The following KIF15 variants were observed in gnomAD, a reference collection of about 807,000 sequenced individuals.
The protein encoded by KIF15 is kinesin family member 15.
KIF15 carries 140 observed loss-of-function variants against 190.6 expected under a neutral mutation model. The ratio of observed to expected loss-of-function variants is 0.73; its 90% CI spans 0.64 to 0.84. The LOEUF is 0.84. Among genes scored for constraint, KIF15 ranks in the 40% least tolerant of loss-of-function variants. The pLI, the probability that KIF15 is intolerant of heterozygous loss-of-function variation, is 0.00. For missense variants in KIF15, 1,372 were observed against 1,584.4 expected (o/e 0.87, Z 2.28); for synonymous variants, 528 against 551.3 (o/e 0.96, Z 0.59).
At chr3:44,827,073 A>G (rs1416957950) in intron 22 of KIF15, 5 of 456,478 alleles carry the variant, frequency 1.1e-5, no homozygotes, top group African/African-American at 2.0e-5. Context: ...ATTTATTCAA[A>G]CATTTATTGA....
At chr3:44,837,752 A>G (rs577772143) in intron 26 of KIF15, among the ~76,000 whole-genome samples, 26 of 152,332 alleles carry the variant, frequency 1.7e-4, no homozygotes, top group Middle Eastern at 3.4e-3. Context: ...TATGCAACCT[A>G]TAGGACTTCT....
chr3:44,806,512 A>G (rs1707507733), intron 16 of KIF15, among the ~76,000 whole-genome samples: 1 of 152,228 alleles, frequency 6.6e-6, no homozygotes, highest in Admixed American at 6.5e-5. Flanking sequence ...AAAGAAAAAA[A>G]AATGTGTGAA....
At chr3:44,830,367 A>G (rs551532683) in intron 25 of KIF15, among the ~76,000 whole-genome samples, 1 of 152,332 alleles carries the variant, frequency 6.6e-6, no homozygotes, top group African/African-American at 2.4e-5. Flanking sequence ...TAAACTGAAT[A>G]AGAAACAGGC....
At chr3:44,791,621 T>G (rs760128083) in intron 7 of KIF15, among the ~76,000 whole-genome samples, 12 of 152,212 alleles carry the variant, frequency 7.9e-5, no homozygotes, top group Non-Finnish European at 1.5e-4. Context: ...TTTGATTTTT[T>G]ATTTTGATTT....
chr3:44,781,890 T>C (rs1159121220), intron 5 of KIF15, among the ~76,000 whole-genome samples: 2 of 152,170 alleles, frequency 1.3e-5, no homozygotes, highest in Admixed American at 6.5e-5. Context: ...TCTTACTCAT[T>C]TGTGGATATT....
intron 7 of KIF15, among the ~76,000 whole-genome samples, chr3:44,789,979 GTT>G (rs1454873919): frequency 1.3e-5 from 2 of 151,958 alleles, no homozygotes; most frequent in Non-Finnish European, 2.9e-5. Context: ...ATTTACCCAG[GTT>G]TTGGTGGATA....
At chr3:44,792,811 G>C (rs1349444556) in intron 7 of KIF15, among the ~76,000 whole-genome samples, 1 of 152,128 alleles carries the variant, frequency 6.6e-6, no homozygotes, top group Non-Finnish European at 1.5e-5. Flanking sequence ...CTCCCAAAGT[G>C]CTGGAATTAC....
chr3:44,824,655 AATGTTT>A (rs952292229), intron 20 of KIF15, among the ~76,000 whole-genome samples: 3 of 152,140 alleles, frequency 2.0e-5, no homozygotes, highest in African/African-American at 7.2e-5. Context: ...TTAATTTCCT[AATGTTT>A]ATATGTCAGA....
At chr3:44,801,011 GT>G (rs76564974) in intron 11 of KIF15, among the ~76,000 whole-genome samples, 84 of 140,482 alleles carry the variant, frequency 6.0e-4, no homozygotes, top group Middle Eastern at 3.7e-3. Flanking sequence ...CGGTCTCATT[GT>G]TTTTTTTTTT....
At chr3:44,763,344 C>T (rs1050265626) in intron 1 of KIF15, among the ~76,000 whole-genome samples, 2 of 152,188 alleles carry the variant, frequency 1.3e-5, no homozygotes, top group Non-Finnish European at 2.9e-5. Flanking sequence ...GCTCTATTGC[C>T]GGGCTGGAGT....
intron 18 of KIF15, among the ~76,000 whole-genome samples, chr3:44,812,524 C>G (rs1288884707): frequency 6.6e-6 from 1 of 152,196 alleles, no homozygotes; most frequent in Non-Finnish European, 1.5e-5. Flanking sequence ...TAGTCTAAAC[C>G]TGGCTGACTT....
At chr3:44,798,919 C>T (rs1261204289) in intron 10 of KIF15, among the ~76,000 whole-genome samples, 1 of 152,186 alleles carries the variant, frequency 6.6e-6, no homozygotes, top group Non-Finnish European at 1.5e-5. Flanking sequence ...CAAGCCCCAG[C>T]TTGTCCTATC....
chr3:44,775,162 A>G (rs942663270), intron 2 of KIF15, 92 bp from the exon 3 acceptor site: 3 of 1,001,402 alleles, frequency 3.0e-6, no homozygotes, highest in Admixed American at 2.2e-5. Context: ...GAAACTCATT[A>G]TAGAAACATT....
intron 16 of KIF15, among the ~76,000 whole-genome samples, chr3:44,810,183 T>A (rs1707724961): frequency 1.3e-5 from 2 of 152,236 alleles, no homozygotes; most frequent in Non-Finnish European, 2.9e-5. Flanking sequence ...TGTACTATTT[T>A]AATGACCATA....
intron 16 of KIF15, among the ~76,000 whole-genome samples, chr3:44,806,345 T>C (rs535516447): frequency 1.3e-5 from 2 of 152,322 alleles, no homozygotes; most frequent in Admixed American, 1.3e-4. Context: ...TGGTACCTTG[T>C]AGATATCAGT....
intron 6 of KIF15, chr3:44,864,004 T>C: frequency 1.7e-6 from 1 of 584,050 alleles, no homozygotes; most frequent in South Asian, 2.5e-5. Context: ...ATTTGCTTTA[T>C]TTGTAAGATG....
chr3:44,780,938 C>A lies in KIF15; in HGVS notation c.361+16C>A. ...ACTATGATGGGTAAGTAAAGATTAA[C>A]TTTTGTTGGCTTAATCTACTCTTTC... On this transcript the variant is annotated intron_variant, in intron 5 of 34. Coordinates refer to ENST00000326047, the MANE Select transcript of KIF15 (RefSeq NM_020242.3). The A allele has an allele frequency of 6.4e-7, 1 of 1,574,392 alleles. No individual in the cohort carries two copies. Among genetic ancestry groups the A allele is most frequent in the Non-Finnish European group, 8.7e-7 (1 of 1,147,786 alleles).
Position 44,843,117 on chromosome 3 carries a change from G to T in KIF15, c.3586-8G>T. On this transcript the variant is annotated splice_region_variant and splice_polypyrimidine_tract_variant and intron_variant, in intron 29 of 34. Coordinates refer to ENST00000326047, the MANE Select transcript of KIF15 (RefSeq NM_020242.3). ...GTTTTTTGAAAAGATACGATTTGAT[G>T]TTATTAGGAGCAGTTGCGTGAAATG... The T allele has an allele frequency of 6.3e-7, 1 of 1,597,954 alleles. No homozygotes were observed. Among genetic ancestry groups the T allele is most frequent in the Non-Finnish European group, 8.6e-7 (1 of 1,169,070 alleles).
intron 4 of KIF15, 54 bp from the exon 5 acceptor site, chr3:44,780,831 G>A: frequency 8.6e-7 from 1 of 1,159,292 alleles, no homozygotes; most frequent in South Asian, 1.4e-5. Flanking sequence ...TATAATAGGA[G>A]GAGTAGTCTT....
Sources: gnomAD v4.1 joint callset for allele counts (sites outside exome capture counted in the v4.1 genomes callset) on GRCh38, gnomAD v4.1.1 for gene constraint, MANE v1.5 for transcripts, NCBI Gene and HGNC (gene_info 2026-07-23, HGNC 2026-07-21) for gene names.